The following SRC variants were observed in gnomAD, a reference collection of about 807,000 sequenced individuals.
SRC encodes the protein SRC proto-oncogene, non-receptor tyrosine kinase.
SRC carries 13 observed loss-of-function variants against 62.9 expected under a neutral mutation model. That is an observed-to-expected ratio of 0.21 (90% CI 0.13 to 0.33). The LOEUF (loss-of-function observed/expected upper bound fraction) is 0.33, where lower values mean the gene tolerates loss of function less well. Among genes scored for constraint, SRC ranks in the 10% least tolerant of loss-of-function variants. The pLI is 1.00. For missense variants in SRC, 457 were observed against 737.3 expected, an observed-to-expected ratio of 0.62 and a Z score of 4.40; for synonymous variants, 302 against 317.5, an observed-to-expected ratio of 0.95 and a Z score of 0.52.
intron 5 of SRC, among the ~76,000 whole-genome samples, chr20:37,391,246 C>A (rs1460822302): frequency 6.6e-6 from 1 of 152,224 alleles, no homozygotes; most frequent in Non-Finnish European, 1.5e-5. Flanking sequence ...TGTCCTCTGA[C>A]CCCGCCCTGC....
intron 1 of SRC, among the ~76,000 whole-genome samples, chr20:37,349,934 A>G (rs2069778812): frequency 6.6e-6 from 1 of 152,216 alleles, no homozygotes; most frequent in Non-Finnish European, 1.5e-5. Context: ...AGACCCAGGA[A>G]GGGAAAGCCA....
In SRC at chr20:37,396,449, C is replaced by T; in HGVS notation, c.703+138C>T. ...CCACTTCCCCCTCCCCCCTCCCTTC[C>T]TCTCTCCTCCCTTTTCCCTCCTTTC... On this transcript the variant is annotated intron_variant, in intron 8 of 13. Transcript: ENST00000373578. This position sits in a 1 kb window ranked among gnomAD's most constrained non-coding sequence, Gnocchi z 6.1. The T allele has an allele frequency of 1.0e-6, 1 of 999,124 alleles. No individual in the cohort carries two copies. The highest frequency in any genetic ancestry group is 1.4e-6 in the Non-Finnish European group (1 of 692,770). The allele number at this position is 999,124 out of a possible 1,614,324, so 61.9% of individuals were successfully genotyped here.
chr20:37,385,650 A>C (rs539257761), intron 4 of SRC, among the ~76,000 whole-genome samples: 3 of 152,266 alleles, frequency 2.0e-5, no homozygotes, highest in South Asian at 2.1e-4. Flanking sequence ...TTATAGAGAG[A>C]GAGCGAGCCT....
At chr20:37,387,124 T>C (rs1302130228) in intron 5 of SRC, among the ~76,000 whole-genome samples, 1 of 152,080 alleles carries the variant, frequency 6.6e-6, no homozygotes, top group Non-Finnish European at 1.5e-5. Flanking sequence ...GATCCCTGGG[T>C]GTCCTCGAAG....
chr20:37,363,336 G>A (rs1435564195), intron 1 of SRC, among the ~76,000 whole-genome samples: 5 of 152,162 alleles, frequency 3.3e-5, no homozygotes, highest in African/African-American at 7.2e-5. Flanking sequence ...CAGTTATACC[G>A]GAACACACTC....
chr20:37,345,997 TTCC>T (rs1222977269), upstream of SRC, among the ~76,000 whole-genome samples: 1 of 147,796 alleles, frequency 6.8e-6, no homozygotes. Flanking sequence ...CGCTTCCTCC[TTCC>T]TCCTCCTCCC....
chr20:37,391,019 T>G (rs1008746170), intron 5 of SRC, among the ~76,000 whole-genome samples: 2 of 152,212 alleles, frequency 1.3e-5, no homozygotes, highest in Non-Finnish European at 2.9e-5. Context: ...TCTGGGGAGC[T>G]GGGAGCCCTG....
At chr20:37,392,782 C>T (rs958946480) in intron 5 of SRC, among the ~76,000 whole-genome samples, 2 of 152,168 alleles carry the variant, frequency 1.3e-5, no homozygotes, top group African/African-American at 2.4e-5. Flanking sequence ...GGACCCCGTC[C>T]CTGTCCCCTT....
chr20:37,392,389 A>G (rs2070565427), intron 5 of SRC, among the ~76,000 whole-genome samples: 1 of 152,172 alleles, frequency 6.6e-6, no homozygotes. Context: ...GCTGAAGAAT[A>G]TGGCCAGGGG....
chr20:37,401,913 G>A (rs994438102), intron 11 of SRC: 32 of 452,154 alleles, frequency 7.1e-5, no homozygotes, highest in Admixed American at 5.3e-4. Flanking sequence ...CTTACTGTGG[G>A]ACCTCGGGCC....
Position 37,367,041 on chromosome 20 carries a change from A to G in SRC, c.-173+1764A>G, listed in dbSNP as rs577529704. On this transcript the variant is annotated intron_variant, in intron 2 of 13. Coordinates refer to ENST00000373578, the MANE Select transcript of SRC (RefSeq NM_198291.3). ...ACATTCTTGCCAACATTTGTCTTTT[A>G]GATTCTAGCCATCCATCCTAGTGTC... 5.9e-5 allele frequency among the ~76,000 whole-genome samples: 9 copies of G among 151,324 alleles called. No individual in the cohort carries two copies. The South Asian group carries it at 1.5e-3, about 25-fold the overall frequency.
Position 37,351,850 on chromosome 20 carries a change from C to T in SRC, c.-247+5595C>T, listed in dbSNP as rs900268706. ...GTGAGGTGTGAGCCCAGACTTCTGGCTGCTGAGTAATTTGTGGGGATCTGA... is the reference window on the plus strand; with the variant it reads ...GTGAGGTGTGAGCCCAGACTTCTGGTTGCTGAGTAATTTGTGGGGATCTGA... On this transcript the variant is annotated intron_variant, in intron 1 of 13. Transcript: ENST00000373578. The surrounding 1 kb of genome is among the most constrained non-coding windows in gnomAD (Gnocchi z 4.4). Among the ~76,000 whole-genome samples the T allele has an allele frequency of 6.6e-6, 1 of 152,186 alleles. No homozygotes were observed. The highest frequency in any genetic ancestry group is 2.4e-5 in the African/African-American group (1 of 41,442).
chr20:37,369,013 G>A (rs2070121215), intron 2 of SRC, among the ~76,000 whole-genome samples: 1 of 152,170 alleles, frequency 6.6e-6, no homozygotes, highest in African/African-American at 2.4e-5. Flanking sequence ...CTGTCAATGT[G>A]ATTGTTTCCT....
chr20:37,389,392 C>A (rs1037982629), intron 5 of SRC, among the ~76,000 whole-genome samples: 2 of 152,204 alleles, frequency 1.3e-5, no homozygotes, highest in African/African-American at 4.8e-5. Flanking sequence ...GCCTCCTTGC[C>A]CCCGGCATGG....
chr20:37,379,889 C>T (rs1175711402), intron 2 of SRC, among the ~76,000 whole-genome samples: 1 of 105,518 alleles, frequency 9.5e-6, no homozygotes, highest in Non-Finnish European at 1.7e-5. Flanking sequence ...GAGTGAGACT[C>T]CATTTCAAAA....
chr20:37,403,364 CG>C lies in SRC; in HGVS notation c.1600del (p.Glu534ArgfsTer110). On this transcript the variant is annotated frameshift_variant, in exon 14 of 14. Coordinates refer to ENST00000373578, the MANE Select transcript of SRC (RefSeq NM_198291.3). LOFTEE classifies it high-confidence loss of function. The surrounding 1 kb of genome is among the most constrained non-coding windows in gnomAD (Gnocchi z 7.1). ...FTSTEPQYQP[G>X]ENL is the part of the protein sequence containing the mutation. ...CGTCCACCGAGCCCCAGTACCAGCCCGGGGAGAACCTCTAGGCACAGGCGGG... is the reference window on the plus strand; with the variant it reads ...CGTCCACCGAGCCCCAGTACCAGCCCGGGAGAACCTCTAGGCACAGGCGGG... 1 of 1,603,420 alleles carries C rather than the reference CG, an allele frequency of 6.2e-7. No homozygotes were observed.
Position 37,393,842 on chromosome 20 carries a change from C to T in SRC, c.351-53C>T, listed in dbSNP as rs556554205. ...ACCTAGGAGGATGGTGGGCACCGGG[C>T]TTGTGGCTGACGGCTCCCTTCTCCT... On this transcript the variant is annotated intron_variant, in intron 5 of 13. Coordinates refer to ENST00000373578, the MANE Select transcript of SRC (RefSeq NM_198291.3). The T allele has an allele frequency of 7.8e-6, 11 of 1,410,300 alleles. No individual in the cohort carries two copies. The East Asian group carries it at 2.1e-4, about 27-fold the overall frequency. 87.4% of individuals were successfully genotyped at this position (1,410,300 alleles called of 1,614,324 possible).
intron 10 of SRC, 86 bp from the exon 11 acceptor site, chr20:37,401,516 G>T: frequency 4.8e-6 from 5 of 1,052,070 alleles, no homozygotes; most frequent in Non-Finnish European, 7.2e-6. Context: ...AGCAAGGCCA[G>T]CCACCTGGGA....
At position 37,397,736 on chromosome 20, in the gene SRC, G is replaced by A. The variant is rs1005300869; in HGVS notation, c.741G>A (p.Val247=). The A allele has an allele frequency of 3.7e-6, 6 of 1,607,124 alleles. No homozygotes were observed. Among genetic ancestry groups the A allele is most frequent in the Non-Finnish European group, 5.1e-6 (6 of 1,176,488 alleles). ...GCCTGTGCCACCGCCTCACCACCGT[G>A]TGCCCCACGTCCAAGCCGCAGACTC... is the stretch of plus-strand genomic sequence containing the variant. ...ADGLCHRLTT[V]CPTSKPQTQG... Residue 247 remains valine, a synonymous_variant, in exon 9 of 14, where the codon GTG becomes GTA. Transcript: ENST00000373578. This position sits in a 1 kb window ranked among gnomAD's most constrained non-coding sequence, Gnocchi z 4.1.
Sources: gnomAD v4.1 joint callset for allele counts (sites outside exome capture counted in the v4.1 genomes callset) on GRCh38, gnomAD v4.1.1 for gene constraint, Gnocchi (gnomAD v3.1) non-coding constraint, MANE v1.5 for transcripts, NCBI Gene and HGNC (gene_info 2026-07-23, HGNC 2026-07-21) for gene names.